CNTNAP5: variants seen among roughly 807,000 people sequenced by gnomAD.
CNTNAP5 encodes the protein contactin-associated protein-like 5.
A neutral mutation model predicts 150.2 loss-of-function variants in CNTNAP5; 72 were observed. The ratio of observed to expected loss-of-function variants is 0.48; its 90% confidence interval spans 0.40 to 0.58. The LOEUF is 0.58. Ranked by LOEUF, CNTNAP5 falls within the 20% of genes least tolerant of loss-of-function variation. CNTNAP5 has a pLI of 0.00. For missense variants in CNTNAP5, 1,636 were observed against 1,626.2 expected, an observed-to-expected ratio of 1.01 and a Z score of -0.10; for synonymous variants, 672 against 619.8, an observed-to-expected ratio of 1.08 and a Z score of -1.25.
intron 7 of CNTNAP5, among the ~76,000 whole-genome samples, chr2:124,484,565 G>A (rs1393911195): frequency 6.6e-6 from 1 of 152,100 alleles, no homozygotes; most frequent in Admixed American, 6.6e-5. Context: ...GATATTATAG[G>A]CATTGAATCA....
intron 1 of CNTNAP5, among the ~76,000 whole-genome samples, chr2:124,033,747 A>C (rs530808938): frequency 5.9e-5 from 9 of 152,304 alleles, no homozygotes; most frequent in African/African-American, 2.2e-4. Context: ...CTCTGTCCCC[A>C]AACAACCCTT....
At chr2:124,653,430 G>C (rs1442669474) in intron 13 of CNTNAP5, among the ~76,000 whole-genome samples, 1 of 150,596 alleles carries the variant, frequency 6.6e-6, no homozygotes, top group Non-Finnish European at 1.5e-5. Context: ...ATATAGTATG[G>C]ATAAATATAC....
chr2:124,624,312 A>G (rs1179600132), intron 12 of CNTNAP5, among the ~76,000 whole-genome samples: 1 of 152,200 alleles, frequency 6.6e-6, no homozygotes, highest in Non-Finnish European at 1.5e-5. Flanking sequence ...GTTGACTCCA[A>G]CCCACATGGA....
chr2:124,414,394 G>A (rs1042205502), intron 3 of CNTNAP5, among the ~76,000 whole-genome samples: 1 of 152,094 alleles, frequency 6.6e-6, no homozygotes, highest in Non-Finnish European at 1.5e-5. Flanking sequence ...TAAGCTGCTA[G>A]CACCAGGAAG....
intron 1 of CNTNAP5, among the ~76,000 whole-genome samples, chr2:124,032,905 G>T (rs1681102664): frequency 6.6e-6 from 1 of 152,154 alleles, no homozygotes; most frequent in African/African-American, 2.4e-5. Context: ...TGTAAATTAT[G>T]CTGGTTTTTG....
chr2:124,147,773 G>A (rs1573790774), intron 1 of CNTNAP5, among the ~76,000 whole-genome samples: 1 of 152,296 alleles, frequency 6.6e-6, no homozygotes, highest in East Asian at 1.9e-4. Context: ...AACTCCTGCA[G>A]GGCATAGAGG....
chr2:124,514,586 A>G (rs1463456620), intron 8 of CNTNAP5, among the ~76,000 whole-genome samples: 3 of 152,146 alleles, frequency 2.0e-5, no homozygotes, highest in Non-Finnish European at 2.9e-5. Context: ...GCTCATAGGC[A>G]TGGTTGGAAG....
chr2:124,823,029 A>G (rs1480545000), intron 19 of CNTNAP5, among the ~76,000 whole-genome samples: 1 of 152,228 alleles, frequency 6.6e-6, no homozygotes, highest in Non-Finnish European at 1.5e-5. Flanking sequence ...GTCTTGCAAA[A>G]TACAAACAAC....
At chr2:124,759,997 GA>G (rs926711233) in intron 14 of CNTNAP5, among the ~76,000 whole-genome samples, 1 of 125,606 alleles carries the variant, frequency 8.0e-6, no homozygotes, top group African/African-American at 3.0e-5. Flanking sequence ...GAAAGCAAAA[GA>G]GAAATAATTG....
intron 10 of CNTNAP5, among the ~76,000 whole-genome samples, chr2:124,536,081 G>A (rs889623497): frequency 1.1e-4 from 16 of 152,186 alleles, no homozygotes; most frequent in African/African-American, 2.9e-4. Flanking sequence ...TGGAAGGGCA[G>A]TGCCCACACA....
At chr2:124,781,222 T>A (rs1413703571) in intron 17 of CNTNAP5, among the ~76,000 whole-genome samples, 2 of 152,178 alleles carry the variant, frequency 1.3e-5, no homozygotes, top group African/African-American at 4.8e-5. Flanking sequence ...ATAAGATCCA[T>A]TCACTCTTTG....
At chr2:124,128,764 A>G (rs1420158280) in intron 1 of CNTNAP5, among the ~76,000 whole-genome samples, 4 of 152,202 alleles carry the variant, frequency 2.6e-5, no homozygotes, top group Admixed American at 2.6e-4. Flanking sequence ...CTTTGTAGGG[A>G]CATGGATGAA....
rs749854227 is a variant in CNTNAP5, at chr2:124,527,269, T to C, written c.1478-16T>C. The C allele has an allele frequency of 6.9e-6, 11 of 1,605,392 alleles. No homozygotes were observed. Among genetic ancestry groups the C allele is most frequent in the Admixed American group, 5.1e-5 (3 of 58,798 alleles). On this transcript the variant is annotated splice_polypyrimidine_tract_variant and intron_variant, in intron 9 of 23. Coordinates refer to ENST00000682447, the MANE Select transcript of CNTNAP5 (RefSeq NM_001367498.1). ...CATTTCAGCATTCTTCTTCATCTTT[T>C]TTCTCTGTCCCACAGGGTGCCCCGA... is the stretch of plus-strand genomic sequence containing the variant.
chr2:124,842,640 T>C (rs1319455741), intron 19 of CNTNAP5, among the ~76,000 whole-genome samples: 2 of 152,178 alleles, frequency 1.3e-5, no homozygotes, highest in Non-Finnish European at 2.9e-5. Flanking sequence ...ACAGAAGCAC[T>C]GAAATAGAAG....
chr2:124,864,445 A>G (rs546679939), intron 19 of CNTNAP5, among the ~76,000 whole-genome samples: 1 of 151,786 alleles, frequency 6.6e-6, no homozygotes, highest in East Asian at 1.9e-4. Context: ...ATAGAACACT[A>G]GAACTTATTC....
chr2:124,540,552 C>T (rs1573446547), intron 10 of CNTNAP5, among the ~76,000 whole-genome samples: 1 of 152,168 alleles, frequency 6.6e-6, no homozygotes, highest in Non-Finnish European at 1.5e-5. Context: ...GTACCAGGCA[C>T]ATTTCTTTGC....
intron 21 of CNTNAP5, among the ~76,000 whole-genome samples, chr2:124,899,971 G>A (rs546351285): frequency 2.7e-5 from 4 of 150,844 alleles, no homozygotes; most frequent in Admixed American, 2.0e-4. Flanking sequence ...CTCTATACAG[G>A]AGATATTTTG....
At chr2:124,850,718 C>T (rs1445273336) in intron 19 of CNTNAP5, among the ~76,000 whole-genome samples, 1 of 152,016 alleles carries the variant, frequency 6.6e-6, no homozygotes, top group African/African-American at 2.4e-5. Flanking sequence ...AGCAAGGTGA[C>T]ATCGAGAAAT....
chr2:124,536,930 A>G (rs573555116), intron 10 of CNTNAP5, among the ~76,000 whole-genome samples: 30 of 152,240 alleles, frequency 2.0e-4, no homozygotes, highest in Admixed American at 1.0e-3. Context: ...TTGCCAGTGC[A>G]CAAAACAGTT....
Sources: gnomAD v4.1 joint callset for allele counts (sites outside exome capture counted in the v4.1 genomes callset) on GRCh38, gnomAD v4.1.1 for gene constraint, MANE v1.5 for transcripts, NCBI Gene and HGNC (gene_info 2026-07-23, HGNC 2026-07-21) for gene names.